The following NAV3 variants were observed in gnomAD, a reference collection of about 807,000 sequenced individuals.
NAV3 encodes pore membrane and/or filament interacting like protein 1.
In NAV3, 87 loss-of-function variants were observed where a neutral mutation model predicts 244.7. The ratio of observed to expected loss-of-function variants is 0.36; its 90% CI spans 0.30 to 0.42. The LOEUF is 0.42. Ranked by LOEUF, NAV3 falls within the 20% of genes least tolerant of loss-of-function variation. The pLI, the probability that NAV3 is intolerant of heterozygous loss-of-function variation, is 1.00. For missense variants in NAV3, 2,663 were observed against 2,893.3 expected, an observed-to-expected ratio of 0.92 and a Z score of 1.83; for synonymous variants, 1,126 against 1,042.2, an observed-to-expected ratio of 1.08 and a Z score of -1.55.
At chr12:77,576,301 C>T (rs973370852) in intron 2 of NAV3, among the ~76,000 whole-genome samples, 1 of 151,636 alleles carries the variant, frequency 6.6e-6, no homozygotes, top group African/African-American at 2.4e-5. Context: ...GACTGAAAAT[C>T]AAGTTTAAGC....
In NAV3 at chr12:78,051,021, C is replaced by T. The variant is rs2137258312; in HGVS notation, c.2390C>T (p.Ser797Leu). 1 of 1,614,130 alleles carries T rather than the reference C, an allele frequency of 6.2e-7. No homozygotes were observed. Among genetic ancestry groups the T allele is most frequent in the Non-Finnish European group, 8.5e-7 (1 of 1,180,028 alleles). Residue 797 changes from serine (S) to leucine (L), a missense_variant, in exon 11 of 40, where the codon TCA becomes TTA. Ser to Leu is a moderately radical substitution (Grantham distance 145). Around this residue, in one of 6 missense-constraint regions of NAV3, gnomAD observed 1,521 missense variants for 1,497.0 expected, o/e 1.02. Transcript: ENST00000397909. ...RAAVSRLGNM[S>L]QIDMSEKASS... ...GCTGTCTCTAGGCTGGGAAACATGT[C>T]ACAGATTGACATGAGTGAGAAAGCA...
At chr12:77,848,194 ATGAG>A in intron 1 of NAV3, among the ~76,000 whole-genome samples, 1 of 152,354 alleles carries the variant, frequency 6.6e-6, no homozygotes, top group Non-Finnish European at 1.5e-5. Flanking sequence ...GTGATTTAGG[ATGAG>A]TAAGACATAA....
At chr12:77,928,449 C>A (rs537166442) in intron 1 of NAV3, among the ~76,000 whole-genome samples, 18 of 152,108 alleles carry the variant, frequency 1.2e-4, no homozygotes, top group African/African-American at 4.3e-4. Context: ...TTGCAGAGAA[C>A]CCCTACTAGG....
At chr12:77,699,448 G>A (rs1875462861) in intron 2 of NAV3, among the ~76,000 whole-genome samples, 1 of 152,072 alleles carries the variant, frequency 6.6e-6, no homozygotes, top group Non-Finnish European at 1.5e-5. Context: ...TTACGTCCTT[G>A]GATTCTGTAA....
At position 77,696,167 on chromosome 12, in the gene NAV3, C is replaced by T. The variant is rs189129174; in HGVS notation, c.72+123901C>T. 4.6e-5 allele frequency among the ~76,000 whole-genome samples: 7 copies of T among 152,256 alleles called. No individual in the cohort carries two copies. In the East Asian group the frequency reaches 1.4e-3, roughly 29 times the overall value. The stretch of plus-strand genomic sequence containing the variant: ...ATCCCAATAATTTTTCCTCTTGATA[C>T]CTATGCCCTTATGTAATCCCCTTTC... On this transcript the variant is annotated intron_variant, in intron 2 of 8. Transcript: ENST00000550042.
chr12:77,908,477 A>C (rs1886235438), intron 1 of NAV3, among the ~76,000 whole-genome samples: 1 of 152,070 alleles, frequency 6.6e-6, no homozygotes, highest in Admixed American at 6.6e-5. Flanking sequence ...AAGGAGAAAA[A>C]ACAATGATAC....
chr12:77,961,214 G>A (rs964447918), intron 3 of NAV3, among the ~76,000 whole-genome samples: 4 of 100,532 alleles, frequency 4.0e-5, no homozygotes, highest in African/African-American at 1.5e-4. Flanking sequence ...TTAATAACAG[G>A]TATTACTATA....
chr12:77,903,644 G>A (rs1306370247), intron 1 of NAV3, among the ~76,000 whole-genome samples: 1 of 152,180 alleles, frequency 6.6e-6, no homozygotes, highest in East Asian at 1.9e-4. Flanking sequence ...ATTGACAAAT[G>A]GGACCTAATT....
At chr12:77,644,502 C>T (rs184164503) in intron 2 of NAV3, among the ~76,000 whole-genome samples, 85 of 152,172 alleles carry the variant, frequency 5.6e-4, no homozygotes, top group Middle Eastern at 3.4e-3. Flanking sequence ...GACTGAGAAG[C>T]TTCCATAGAA....
At chr12:77,934,833 T>A (rs1889172720) in intron 1 of NAV3, among the ~76,000 whole-genome samples, 1 of 152,192 alleles carries the variant, frequency 6.6e-6, no homozygotes, top group Non-Finnish European at 1.5e-5. Flanking sequence ...AAAACAATAA[T>A]GTTTTAAATA....
At chr12:77,925,511 C>A (rs1454955915) in intron 1 of NAV3, among the ~76,000 whole-genome samples, 1 of 136,680 alleles carries the variant, frequency 7.3e-6, no homozygotes, top group African/African-American at 2.8e-5. Flanking sequence ...TGGTGCATTA[C>A]AAATGAAAGG....
chr12:77,693,548 C>T (rs867727110), intron 2 of NAV3, among the ~76,000 whole-genome samples: 1 of 152,026 alleles, frequency 6.6e-6, no homozygotes, highest in Non-Finnish European at 1.5e-5. Flanking sequence ...CTCATTATAG[C>T]TTCTTGTTAC....
rs781027432 is a variant in NAV3 at position 78,050,847 on chromosome 12, C to T, written c.2216C>T (p.Pro739Leu). The change falls in exon 11 of 40, where the codon CCC becomes CTC. Residue 739 changes from proline to leucine, a missense_variant. Physicochemically the swap from Pro to Leu is moderately conservative, Grantham distance 98 (BLOSUM62 -3). Around this residue, in one of 6 missense-constraint regions of NAV3, gnomAD observed 1,521 missense variants for 1,497.0 expected, o/e 1.02. Coordinates refer to ENST00000397909, the MANE Select transcript of NAV3 (RefSeq NM_001024383.2). The stretch of plus-strand genomic sequence containing the variant: ...CCCAACTTGACAAGTCGACCCACCC[C>T]CATGACCTGGAGGTTGGGCCAGGCA... ...TIPNLTSRPTPMTWRLGQACP... is the reference protein window; with the variant it reads ...TIPNLTSRPTLMTWRLGQACP... 2 of 1,614,088 alleles carry T rather than the reference C, an allele frequency of 1.2e-6. No individual in the cohort carries two copies. Among genetic ancestry groups the T allele is most frequent in the South Asian group, 2.2e-5 (2 of 91,072 alleles).
chr12:77,930,162 T>C (rs1448076984), intron 1 of NAV3, among the ~76,000 whole-genome samples: 1 of 152,176 alleles, frequency 6.6e-6, no homozygotes, highest in East Asian at 1.9e-4. Flanking sequence ...TTATGAAATT[T>C]AGAGACTATT....
chr12:78,050,837 C>A lies in NAV3; in HGVS notation c.2206C>A (p.Arg736=), dbSNP rs1882636995. The change falls in exon 11 of 40, where the codon CGA becomes AGA. Residue 736 remains arginine (R), a synonymous_variant. Coordinates refer to ENST00000397909, the MANE Select transcript of NAV3 (RefSeq NM_001024383.2). ...NGRTIPNLTS[R]PTPMTWRLGQ... is the part of the protein sequence containing the mutation. ...AAGGACCATACCCAACTTGACAAGT[C>A]GACCCACCCCCATGACCTGGAGGTT... 6.2e-7 allele frequency: 1 copy of A among 1,613,726 alleles called. No individual in the cohort carries two copies. Among genetic ancestry groups the A allele is most frequent in the South Asian group, 1.1e-5 (1 of 91,066 alleles).
intron 9 of NAV3, among the ~76,000 whole-genome samples, chr12:78,035,550 G>T (rs1426776335): frequency 2.0e-5 from 3 of 152,132 alleles, no homozygotes; most frequent in Non-Finnish European, 4.4e-5. Context: ...AGCTGATTAT[G>T]CTGTGATAGG....
Position 78,007,179 on chromosome 12 carries a change from A to T in NAV3, c.1641A>T (p.Ala547=), listed in dbSNP as rs757687933. 1 of 1,614,188 alleles carries T rather than the reference A, an allele frequency of 6.2e-7. No individual in the cohort carries two copies. The highest frequency in any genetic ancestry group is 8.5e-7 in the Non-Finnish European group (1 of 1,180,032). Residue 547 remains alanine, a synonymous_variant, in exon 8 of 40, where the codon GCA becomes GCT. Transcript: ENST00000397909. The part of the protein sequence containing the change: ...VKQTISPGST[A]SKESEKFRTT... ...AAACCATTTCACCTGGCAGCACAGC[A>T]AGCAAAGAGTCTGAGAAATTCAGGA...
intron 2 of NAV3, among the ~76,000 whole-genome samples, chr12:77,729,629 G>T (rs1877035078): frequency 6.6e-6 from 1 of 151,876 alleles, no homozygotes; most frequent in South Asian, 2.1e-4. Context: ...TTACCTCTGG[G>T]CCCTGGAATT....
In NAV3 at chr12:78,006,883, C is replaced by G. The variant is rs778887459; in HGVS notation, c.1345C>G (p.Pro449Ala). The change falls in exon 8 of 40, where the codon CCA (proline) becomes GCA (alanine). Residue 449 changes from proline (P) to alanine (A), a missense_variant. Physicochemically the swap from Pro to Ala is conservative, Grantham distance 27. Transcript: ENST00000397909. ...CAAAGTGTCACCTAAGTTGGCCCCTCCAAAAGCTGGAAGCAAAAATCTCAG... is the reference window on the plus strand; with the variant it reads ...CAAAGTGTCACCTAAGTTGGCCCCTGCAAAAGCTGGAAGCAAAAATCTCAG... ...SPKVSPKLAP[P>A]KAGSKNLSNK... 1 of 1,613,916 alleles carries G rather than the reference C, an allele frequency of 6.2e-7. No individual in the cohort carries two copies. Among genetic ancestry groups the G allele is most frequent in the Non-Finnish European group, 8.5e-7 (1 of 1,180,026 alleles).
Sources: allele counts gnomAD v4.1 joint callset (sites outside exome capture counted in the v4.1 genomes callset), GRCh38; gene constraint gnomAD v4.1.1; regional missense constraint gnomAD v4.1.1; transcripts MANE v1.5; gene names NCBI Gene and HGNC (gene_info 2026-07-23, HGNC 2026-07-21).